The following DEPTOR variants were observed in gnomAD, a reference collection of about 807,000 sequenced individuals.
The protein encoded by DEPTOR is DEP domain-containing mTOR-interacting protein.
Under a neutral mutation model 41.6 loss-of-function variants are expected in DEPTOR, and 41 were observed. The observed-to-expected ratio is 0.98, with a 90% CI of 0.77 to 1.28. The LOEUF is 1.28. Among genes scored for constraint, DEPTOR ranks in the 50% most tolerant of loss-of-function variants. DEPTOR has a pLI of 0.00. For synonymous variants in DEPTOR, 195 were observed against 192.3 expected (o/e 1.01, Z -0.12); for missense variants, 514 against 527.9 (o/e 0.97, Z 0.26).
At chr8:119,930,651 G>A (rs1320429792) in intron 3 of DEPTOR, among the ~76,000 whole-genome samples, 1 of 152,184 alleles carries the variant, frequency 6.6e-6, no homozygotes, top group African/African-American at 2.4e-5. Context: ...TGAGTAGTGA[G>A]AGAACTTCAG....
At chr8:119,888,131 A>T (rs1827397772) in intron 1 of DEPTOR, among the ~76,000 whole-genome samples, 3 of 151,182 alleles carry the variant, frequency 2.0e-5, no homozygotes, top group South Asian at 2.1e-4. Context: ...TCAGTTATTT[A>T]TTTTTTTTTA....
In DEPTOR at chr8:119,965,312, A is replaced by C. The variant is rs138703769; in HGVS notation, c.506A>C (p.Glu169Ala). The C allele has an allele frequency of 1.9e-6, 3 of 1,613,988 alleles. No individual in the cohort carries two copies. Among genetic ancestry groups the C allele is most frequent in the Non-Finnish European group, 2.5e-6 (3 of 1,180,030 alleles). Residue 169 changes from glutamate (E) to alanine (A), a missense_variant, in exon 4 of 9, where the codon GAA becomes GCA. Physicochemically the swap from Glu to Ala is moderately radical, Grantham distance 107. Transcript: ENST00000286234. The stretch of plus-strand genomic sequence containing the variant: ...TATGAGCGCACCTTCATGGCATCTG[A>C]ATTCCTGGACTGGCTGGTTCAGGAA... ...VKYERTFMASEFLDWLVQEGE... is the reference protein window; with the variant it reads ...VKYERTFMASAFLDWLVQEGE...
At chr8:119,997,361 A>G (rs1450163809) in intron 4 of DEPTOR, among the ~76,000 whole-genome samples, 1 of 152,142 alleles carries the variant, frequency 6.6e-6, no homozygotes, top group Non-Finnish European at 1.5e-5. Context: ...CAGTCTCCTG[A>G]GTAGCTGGGA....
chr8:119,972,703 G>A (rs1212871001), intron 4 of DEPTOR, among the ~76,000 whole-genome samples: 1 of 151,784 alleles, frequency 6.6e-6, no homozygotes, highest in Admixed American at 6.6e-5. Flanking sequence ...AATCAAGACA[G>A]TCTAGCTTCA....
At chr8:119,942,792 T>C (rs1029794794) in intron 3 of DEPTOR, among the ~76,000 whole-genome samples, 6 of 152,218 alleles carry the variant, frequency 3.9e-5, no homozygotes, top group African/African-American at 1.4e-4. Flanking sequence ...TCTGAGTCTC[T>C]GTTTTTTCAT....
At chr8:119,930,444 C>T (rs1828027153) in intron 3 of DEPTOR, among the ~76,000 whole-genome samples, 1 of 152,082 alleles carries the variant, frequency 6.6e-6, no homozygotes, top group Non-Finnish European at 1.5e-5. Flanking sequence ...ACCATGTTGG[C>T]CAGGCTTTTC....
intron 1 of DEPTOR, 63 bp downstream of exon 1, chr8:119,874,031 C>G: frequency 1.3e-6 from 2 of 1,594,620 alleles, no homozygotes; most frequent in Non-Finnish European, 1.7e-6. Context: ...CCGCTGCAGT[C>G]CTGCGCGCAC....
At chr8:119,990,916 A>G (rs1011098831) in intron 4 of DEPTOR, among the ~76,000 whole-genome samples, 2 of 152,148 alleles carry the variant, frequency 1.3e-5, no homozygotes, top group African/African-American at 4.8e-5. Context: ...TACTGTTTTG[A>G]AAAGTCGATT....
Position 120,049,824 on chromosome 8 carries a change from G to A in DEPTOR, c.*120G>A, listed in dbSNP as rs143583737. 129 of 1,270,402 alleles carry A rather than the reference G, an allele frequency of 1.0e-4. No homozygotes were observed. The Admixed American group carries it at 2.9e-3, about 29-fold the overall frequency. The allele number at this position is 1,270,402 out of a possible 1,614,324, so 78.7% of individuals were successfully genotyped here. ...GGTTTTGGACATACGAGTCTTCTCCGCACATACATGTCTAAAGTTGAGTTT... is the reference window on the plus strand; with the variant it reads ...GGTTTTGGACATACGAGTCTTCTCCACACATACATGTCTAAAGTTGAGTTT... On this transcript the variant is annotated 3_prime_UTR_variant, in exon 9 of 9. Coordinates refer to ENST00000286234, the MANE Select transcript of DEPTOR (RefSeq NM_022783.4).
chr8:119,973,935 A>G (rs1828664142), intron 4 of DEPTOR, among the ~76,000 whole-genome samples: 1 of 152,176 alleles, frequency 6.6e-6, no homozygotes, highest in African/African-American at 2.4e-5. Flanking sequence ...TCTGCTGGCC[A>G]TGAAGAGAGA....
At chr8:120,048,784 C>T (rs1009674496) in intron 8 of DEPTOR, among the ~76,000 whole-genome samples, 38 of 151,894 alleles carry the variant, frequency 2.5e-4, no homozygotes, top group African/African-American at 8.5e-4. Flanking sequence ...CTAGTGTGAG[C>T]CTGTGAGAAT....
At chr8:119,930,039 G>A in intron 3 of DEPTOR, 101 bp downstream of exon 3, 1 of 1,403,302 alleles carries the variant, frequency 7.1e-7, no homozygotes, top group Non-Finnish European at 9.5e-7. Flanking sequence ...TTTCTATGTG[G>A]GCTGGTTACA....
intron 3 of DEPTOR, among the ~76,000 whole-genome samples, chr8:119,948,010 C>T (rs184548579): frequency 6.6e-6 from 1 of 152,246 alleles, no homozygotes; most frequent in East Asian, 1.9e-4. Context: ...GTCCTCTCAC[C>T]ATCTCGAAGG....
intron 1 of DEPTOR, among the ~76,000 whole-genome samples, chr8:119,912,757 T>G (rs1827760809): frequency 6.6e-6 from 1 of 152,214 alleles, no homozygotes; most frequent in African/African-American, 2.4e-5. Context: ...GATTTGCTGT[T>G]TTGTGCTCCC....
intron 1 of DEPTOR, among the ~76,000 whole-genome samples, chr8:119,895,784 A>T (rs1462674309): frequency 1.3e-5 from 2 of 152,182 alleles, no homozygotes; most frequent in African/African-American, 2.4e-5. Context: ...TGTCCTATTC[A>T]TTCATATATC....
intron 1 of DEPTOR, among the ~76,000 whole-genome samples, chr8:119,903,002 G>T (rs1488804451): frequency 6.6e-6 from 1 of 152,158 alleles, no homozygotes; most frequent in Non-Finnish European, 1.5e-5. Context: ...CGTGAGGGCA[G>T]GGTCTATGTG....
intron 3 of DEPTOR, among the ~76,000 whole-genome samples, chr8:119,932,841 C>T (rs546300163): frequency 1.3e-5 from 2 of 152,110 alleles, no homozygotes; most frequent in South Asian, 2.1e-4. Context: ...ATAAAGGAAG[C>T]CTTGCAGATA....
At chr8:119,972,386 G>T (rs1292930284) in intron 4 of DEPTOR, among the ~76,000 whole-genome samples, 1 of 152,182 alleles carries the variant, frequency 6.6e-6, no homozygotes, top group Non-Finnish European at 1.5e-5. Flanking sequence ...ACTTTGGGAG[G>T]CTGAGGCAGA....
At chr8:120,046,445 C>A (rs1335995928) in intron 8 of DEPTOR, among the ~76,000 whole-genome samples, 1 of 151,430 alleles carries the variant, frequency 6.6e-6, no homozygotes, top group Non-Finnish European at 1.5e-5. Context: ...TATAAATGGG[C>A]TCTTACACTC....
Sources: allele counts gnomAD v4.1 joint callset (sites outside exome capture counted in the v4.1 genomes callset), GRCh38; gene constraint gnomAD v4.1.1; transcripts MANE v1.5; gene names NCBI Gene and HGNC (gene_info 2026-07-23, HGNC 2026-07-21).